Variants in TP53BP1 observed in about 807,000 individuals in gnomAD.
The protein encoded by TP53BP1 is TP53-binding protein 1.
TP53BP1 carries 61 observed loss-of-function variants against 200.8 expected under a neutral mutation model. The observed-to-expected ratio is 0.30, with a 90% CI of 0.25 to 0.38. The LOEUF is 0.38. Ranked by LOEUF, TP53BP1 falls within the 10% of genes least tolerant of loss-of-function variation. The pLI, the probability that TP53BP1 is intolerant of heterozygous loss-of-function variation, is 1.00. For synonymous variants in TP53BP1, 822 were observed against 844.3 expected (o/e 0.97, Z 0.46); for missense variants, 2,144 against 2,371.9 (o/e 0.90, Z 2.00).
intron 12 of TP53BP1, among the ~76,000 whole-genome samples, chr15:43,453,515 T>C (rs1177175555): frequency 6.6e-6 from 1 of 150,716 alleles, no homozygotes; most frequent in East Asian, 1.9e-4. Flanking sequence ...ACTTCCTTTT[T>C]AGCTCTAACA....
At chr15:43,411,310 A>G (rs1447903977) in intron 24 of TP53BP1, among the ~76,000 whole-genome samples, 2 of 152,230 alleles carry the variant, frequency 1.3e-5, no homozygotes, top group African/African-American at 2.4e-5. Context: ...TGCCATCTAA[A>G]TCAAGTATGA....
rs752537542 is a variant in TP53BP1, at chr15:43,403,633, A to C, written c.*3750T>G. 10 of 1,344,614 alleles carry C rather than the reference A, an allele frequency of 7.4e-6. No individual in the cohort carries two copies. Among genetic ancestry groups the C allele is most frequent in the Non-Finnish European group, 9.5e-6 (9 of 942,500 alleles). 83.3% of individuals were successfully genotyped at this position (1,344,614 alleles called of 1,614,324 possible). A position where few individuals can be genotyped will look rare whatever the true frequency, so the allele number is the denominator to read the frequency against. On this transcript the variant is annotated 3_prime_UTR_variant, in exon 28 of 28. Transcript: ENST00000382044. ...ACTGTTCTCCTAACACTTTAACTTC[A>C]TGGATGTACCTTCCTTCCTTTCCTA...
chr15:43,500,176 T>A (rs2079202370), intron 1 of TP53BP1, among the ~76,000 whole-genome samples: 1 of 152,222 alleles, frequency 6.6e-6, no homozygotes, highest in Non-Finnish European at 1.5e-5. Flanking sequence ...AATTGACATC[T>A]CAAATTCAAC....
intron 12 of TP53BP1, among the ~76,000 whole-genome samples, chr15:43,449,328 A>ATT (rs923676410): frequency 6.6e-5 from 10 of 152,194 alleles, no homozygotes; most frequent in African/African-American, 2.4e-4. Context: ...GAAACTTAAA[A>ATT]AACACCTTGC....
At chr15:43,409,620 A>G (rs755313240) in intron 25 of TP53BP1, 27 bp downstream of exon 25, 1 of 1,327,016 alleles carries the variant, frequency 7.5e-7, no homozygotes, top group Non-Finnish European at 1.0e-6. Context: ...TTGCCACTAT[A>G]TTAGGTTACA....
intron 14 of TP53BP1, among the ~76,000 whole-genome samples, chr15:43,445,191 T>A (rs1004339388): frequency 6.6e-6 from 1 of 152,266 alleles, no homozygotes; most frequent in African/African-American, 2.4e-5. Context: ...CTCTTCCTCA[T>A]CCTTCCTCAA....
At position 43,404,130 on chromosome 15, in the gene TP53BP1, C is replaced by A; in HGVS notation, c.*3253G>T. ...ACTGAGATAATTATCTGCTTGTAAT[C>A]AAAACGGGTTCTCCCCAACCCCAGT... On this transcript the variant is annotated 3_prime_UTR_variant, in exon 28 of 28. Coordinates refer to ENST00000382044, the MANE Select transcript of TP53BP1 (RefSeq NM_001141980.3). The A allele has an allele frequency of 1.9e-6, 1 of 516,300 alleles. No individual in the cohort carries two copies. The highest frequency in any genetic ancestry group is 3.4e-6 in the Non-Finnish European group (1 of 290,166). The allele number at this position is 516,300 out of a possible 1,614,324, so 32.0% of individuals were successfully genotyped here.
chr15:43,453,029 C>T (rs1490459228), intron 12 of TP53BP1, among the ~76,000 whole-genome samples: 1 of 151,798 alleles, frequency 6.6e-6, no homozygotes, highest in Non-Finnish European at 1.5e-5. Context: ...CCCGTCTCTA[C>T]TAAAAATACA....
Position 43,407,536 on chromosome 15 carries a change from C to A in TP53BP1, c.5781G>T (p.Thr1927=). ...IALGVFDVVV[T]DPSCPASVLK... is the part of the protein sequence containing the mutation. The stretch of plus-strand genomic sequence containing the variant: ...GCACCGAGGCTGGGCATGAGGGGTC[C>A]GTCACCACCACATCAAATACCCCTA... Residue 1927 remains threonine (T), a synonymous_variant, in exon 28 of 28, where the codon ACG becomes ACT. Transcript: ENST00000382044. The A allele has an allele frequency of 6.2e-7, 1 of 1,614,058 alleles. No homozygotes were observed.
rs116983139 is a variant in TP53BP1 at position 43,408,952 on chromosome 15, G to A, written c.5545C>T (p.Arg1849Cys). 11 of 1,614,130 alleles carry A rather than the reference G, an allele frequency of 6.8e-6. No individual in the cohort carries two copies. Among genetic ancestry groups the A allele is most frequent in the East Asian group, 4.5e-5 (2 of 44,886 alleles). The change falls in exon 26 of 28, where the codon CGT becomes TGT. Residue 1849 changes from arginine (R) to cysteine (C), a missense_variant. Transcript: ENST00000382044. ...SCHANQLQNYRNYLLPAGYSL... is the reference protein window; with the variant it reads ...SCHANQLQNYCNYLLPAGYSL... Reference sequence around the variant, plus strand: ...TACCCAGCTGGCAACAGATAATTACGGTAGTTCTGGAGCTGGTTGGCATGG... The same window carrying A: ...TACCCAGCTGGCAACAGATAATTACAGTAGTTCTGGAGCTGGTTGGCATGG...
chr15:43,421,280 GC>G, intron 19 of TP53BP1, 106 bp from the exon 20 acceptor site: 1 of 1,208,374 alleles, frequency 8.3e-7, no homozygotes, highest in Non-Finnish European at 1.2e-6. Context: ...CATGTGCTGA[GC>G]CTTTGGGGCA....
At chr15:43,463,620 C>A (rs867201820) in intron 11 of TP53BP1, among the ~76,000 whole-genome samples, 3 of 151,938 alleles carry the variant, frequency 2.0e-5, no homozygotes, top group Non-Finnish European at 4.4e-5. Flanking sequence ...AAAAAGAGAA[C>A]AGAAGAAAAG....
chr15:43,477,734 T>C lies in TP53BP1; in HGVS notation c.814A>G (p.Lys272Glu). The C allele has an allele frequency of 6.2e-7, 1 of 1,611,096 alleles. No homozygotes were observed. The highest frequency in any genetic ancestry group is 8.5e-7 in the Non-Finnish European group (1 of 1,178,922). The change falls in exon 8 of 28, where the codon AAA becomes GAA. Residue 272 changes from lysine (K) to glutamate (E), a missense_variant. By Grantham distance (56) the Lys-to-Glu change is moderately conservative. Coordinates refer to ENST00000382044, the MANE Select transcript of TP53BP1 (RefSeq NM_001141980.3). ...ARSEDMPFSP[K>E]ASVAAMEAKE... is the part of the protein sequence containing the mutation. ...GCTTCCATAGCAGCAACAGATGCTT[T>C]GGGGCTAAAAGGCATGTCCTCTGAC...
chr15:43,441,899 G>A (rs1011364580), intron 14 of TP53BP1, among the ~76,000 whole-genome samples: 7 of 151,828 alleles, frequency 4.6e-5, no homozygotes, highest in Non-Finnish European at 7.4e-5. Context: ...ACAGGCATGC[G>A]CCACCACGTC....
chr15:43,479,914 T>C lies in TP53BP1; in HGVS notation c.603A>G (p.Gln201=). The C allele has an allele frequency of 1.9e-6, 3 of 1,614,186 alleles. No individual in the cohort carries two copies. The highest frequency in any genetic ancestry group is 1.1e-5 in the South Asian group (1 of 91,080). ...VPYEVDKEQL[Q]SVTTNSGYTR... ...TATAACCAGAGTTGGTGGTTACTGATTGTAGCTGCTCTTTGTCCACTTCAT... is the reference window on the plus strand; with the variant it reads ...TATAACCAGAGTTGGTGGTTACTGACTGTAGCTGCTCTTTGTCCACTTCAT... The change falls in exon 6 of 28, where the codon CAA becomes CAG. Residue 201 remains glutamine (Q), a synonymous_variant. Transcript: ENST00000382044.
In TP53BP1 at chr15:43,464,331, G is replaced by A. The variant is rs75059207; in HGVS notation, c.1389+5527C>T. 1.9e-3 allele frequency among the ~76,000 whole-genome samples: 293 copies of A among 152,006 alleles called. 2 individuals are homozygous for A. Among genetic ancestry groups the A allele is most frequent in the African/African-American group, 6.6e-3 (273 of 41,460 alleles). On this transcript the variant is annotated intron_variant, in intron 11 of 27. Coordinates refer to ENST00000382044, the MANE Select transcript of TP53BP1 (RefSeq NM_001141980.3). Reference sequence around the variant, plus strand: ...AGTATATCAATAAAACAAGAGAAATGGTATTTAAAAATATATTCTGAAAAA... The same window carrying A: ...AGTATATCAATAAAACAAGAGAAATAGTATTTAAAAATATATTCTGAAAAA...
rs763158702 is a variant in TP53BP1, at chr15:43,432,238, G to A, written c.3631C>T (p.Pro1211Ser). 1.2e-6 allele frequency: 2 copies of A among 1,614,080 alleles called. No homozygotes were observed. The highest frequency in any genetic ancestry group is 2.2e-5 in the East Asian group (1 of 44,886). Residue 1211 changes from proline to serine, a missense_variant, in exon 17 of 28, where the codon CCA (proline) becomes TCA (serine). Coordinates refer to ENST00000382044, the MANE Select transcript of TP53BP1 (RefSeq NM_001141980.3). The stretch of plus-strand genomic sequence containing the variant: ...GTATCATCCCCAGGAGCACTGACTG[G>A]TTTCTCACCACTCCCCCTCTCAGTC... ...VQTERGSGEK[P>S]VSAPGDDTES...
chr15:43,404,886 C>A lies in TP53BP1; in HGVS notation c.*2497G>T. 1 of 489,120 alleles carries A rather than the reference C, an allele frequency of 2.0e-6. No homozygotes were observed. Among genetic ancestry groups the A allele is most frequent in the South Asian group, 2.8e-5 (1 of 36,256 alleles). 30.3% of individuals were successfully genotyped at this position (489,120 alleles called of 1,614,324 possible). ...CCGTGGGCACCCCGCCTTGCTGGTCCCTAGCTTCCGCATCTGTGAAAGGAG... is the reference window on the plus strand; with the variant it reads ...CCGTGGGCACCCCGCCTTGCTGGTCACTAGCTTCCGCATCTGTGAAAGGAG... On this transcript the variant is annotated 3_prime_UTR_variant, in exon 28 of 28. Transcript: ENST00000382044.
chr15:43,505,736 A>G (rs2079232465), intron 1 of TP53BP1, among the ~76,000 whole-genome samples: 1 of 152,168 alleles, frequency 6.6e-6, no homozygotes, highest in Non-Finnish European at 1.5e-5. Context: ...ACCTTTTTAG[A>G]TATTATTTTA....
Sources: gnomAD v4.1 joint callset for allele counts (sites outside exome capture counted in the v4.1 genomes callset) on GRCh38, gnomAD v4.1.1 for gene constraint, MANE v1.5 for transcripts, NCBI Gene and HGNC (gene_info 2026-07-23, HGNC 2026-07-21) for gene names.